FMN2: variants seen among roughly 807,000 people sequenced by gnomAD.
FMN2 encodes formin 2, also known as formin-2.
FMN2 carries 51 observed loss-of-function variants against 142.3 expected under a neutral mutation model. The ratio of observed to expected loss-of-function variants is 0.36; its 90% CI spans 0.29 to 0.45. The LOEUF is 0.45. FMN2 is among the 20% of genes least tolerant of loss of function. FMN2 has a pLI of 1.00. For synonymous variants in FMN2, 882 were observed against 869.8 expected, an observed-to-expected ratio of 1.01 and a Z score of -0.25; for missense variants, 1,936 against 2,122.8, an observed-to-expected ratio of 0.91 and a Z score of 1.73.
chr1:240,233,501 A>C (rs1572098077), intron 6 of FMN2, among the ~76,000 whole-genome samples: 1 of 152,344 alleles, frequency 6.6e-6, no homozygotes, highest in Non-Finnish European at 1.5e-5. Flanking sequence ...TTTTAAATTT[A>C]ATTCCACAGA....
At chr1:240,170,744 G>A in intron 2 of FMN2, 1 of 1,456,568 alleles carries the variant, frequency 6.9e-7, no homozygotes, top group Non-Finnish European at 9.6e-7. Context: ...GTGGGGCCTG[G>A]CTCTGTTTGG....
At chr1:240,354,433 G>T (rs1672198199) in intron 13 of FMN2, among the ~76,000 whole-genome samples, 1 of 152,204 alleles carries the variant, frequency 6.6e-6, no homozygotes, top group African/African-American at 2.4e-5. Context: ...CAGGTTTAGA[G>T]AAGTCTGTGA....
rs1195770597 is a variant in FMN2, at chr1:240,407,680, A to G, written c.4910+15118A>G. On this transcript the variant is annotated intron_variant, in intron 15 of 17. Coordinates refer to ENST00000319653, the MANE Select transcript of FMN2 (RefSeq NM_020066.5). ...AATAAATGCAGATTTGTTCCCCTAA[A>G]GAGTGTGCATTCTTCTACCTTTCAA... Among the ~76,000 whole-genome samples, 4 of 152,312 alleles carry G rather than the reference A, an allele frequency of 2.6e-5. No homozygotes were observed. The South Asian group carries it at 6.2e-4, about 24-fold the overall frequency.
chr1:240,393,058 C>T (rs927285492), intron 15 of FMN2, among the ~76,000 whole-genome samples: 5 of 152,106 alleles, frequency 3.3e-5, no homozygotes, highest in African/African-American at 1.2e-4. Context: ...TCTCTATATA[C>T]GTCAGGGTTC....
intron 1 of FMN2, among the ~76,000 whole-genome samples, chr1:240,122,348 C>T (rs1000619308): frequency 6.6e-6 from 1 of 152,022 alleles, no homozygotes; most frequent in Non-Finnish European, 1.5e-5. Flanking sequence ...ACTGCAACCT[C>T]CGCCACCCAG....
intron 15 of FMN2, among the ~76,000 whole-genome samples, chr1:240,429,311 G>A (rs1469704795): frequency 1.3e-5 from 2 of 151,976 alleles, no homozygotes; most frequent in Non-Finnish European, 2.9e-5. Flanking sequence ...TTCTCTCATT[G>A]GTCTGCAGAG....
chr1:240,408,373 A>G (rs937272127), intron 15 of FMN2, among the ~76,000 whole-genome samples: 9 of 152,238 alleles, frequency 5.9e-5, no homozygotes, highest in Non-Finnish European at 1.3e-4. Context: ...GTAGAATGAA[A>G]AAGGCAATAA....
intron 7 of FMN2, among the ~76,000 whole-genome samples, chr1:240,265,913 G>GTTTTT (rs1352056925): frequency 2.9e-5 from 3 of 102,308 alleles, no homozygotes; most frequent in African/African-American, 4.3e-5. Context: ...ACTTAAAGGG[G>GTTTTT]TTTGTTTTTT....
chr1:240,355,848 G>A lies in FMN2; in HGVS notation c.4798G>A (p.Val1600Ile), dbSNP rs1672247369. 1.2e-6 allele frequency: 2 copies of A among 1,606,970 alleles called. No individual in the cohort carries two copies. Among genetic ancestry groups the A allele is most frequent in the African/African-American group, 2.7e-5 (2 of 74,134 alleles). ...AGTTGAAGCAGGGAAAGTATACCAG[G>A]TCTCCTCAAAAGAGCATATGCAGCC... ...CEVEAGKVYQVSSKEHMQPFK... is the reference protein window; with the variant it reads ...CEVEAGKVYQISSKEHMQPFK... Residue 1600 changes from valine to isoleucine, a missense_variant, in exon 14 of 18, where the codon GTC becomes ATC. Physicochemically the swap from Val to Ile is conservative, Grantham distance 29 (BLOSUM62 3). Transcript: ENST00000319653.
At chr1:240,349,773 TTTAAA>T (rs1304750279) in intron 13 of FMN2, among the ~76,000 whole-genome samples, 63 of 152,388 alleles carry the variant, frequency 4.1e-4, no homozygotes, top group East Asian at 1.9e-4. Flanking sequence ...CAGAGAAGTC[TTTAAA>T]TTAAACAAAA....
chr1:240,376,176 C>A (rs910693461), intron 14 of FMN2, among the ~76,000 whole-genome samples: 1 of 151,908 alleles, frequency 6.6e-6, no homozygotes, highest in African/African-American at 2.4e-5. Flanking sequence ...ATAATATACC[C>A]TTTTATCTTT....
intron 15 of FMN2, among the ~76,000 whole-genome samples, chr1:240,426,720 A>G (rs1674946087): frequency 1.3e-5 from 2 of 152,092 alleles, no homozygotes; most frequent in South Asian, 2.1e-4. Context: ...ATGTTTCTCT[A>G]AAAGATACCC....
chr1:240,092,881 G>A lies in FMN2; in HGVS notation c.772G>A (p.Gly258Ser), dbSNP rs1261193565. The A allele has an allele frequency of 2.0e-6, 3 of 1,523,288 alleles. No individual in the cohort carries two copies. The highest frequency in any genetic ancestry group is 1.2e-5 in the South Asian group (1 of 81,528). The allele number at this position is 1,523,288 out of a possible 1,614,324, so 94.4% of individuals were successfully genotyped here. ...GGACCGGTTCCTGCTGGGGCCGAGC[G>A]GCGGGGCTGGGGAGGCCCCGGGCAG... is the stretch of plus-strand genomic sequence containing the variant. The part of the protein sequence containing the change: ...GLDRFLLGPS[G>S]GAGEAPGSPD... The change falls in exon 1 of 18, where the codon GGC becomes AGC. Residue 258 changes from glycine (G) to serine (S), a missense_variant. Coordinates refer to ENST00000319653, the MANE Select transcript of FMN2 (RefSeq NM_020066.5).
At chr1:240,471,801 G>C (rs1033108284) in intron 16 of FMN2, 7 of 153,170 alleles carry the variant, frequency 4.6e-5, no homozygotes, top group African/African-American at 1.7e-4. Flanking sequence ...GCACCACCAT[G>C]CCCGGCTAAG....
intron 16 of FMN2, among the ~76,000 whole-genome samples, chr1:240,453,558 T>A (rs1676129171): frequency 6.6e-6 from 1 of 152,148 alleles, no homozygotes; most frequent in Admixed American, 6.6e-5. Context: ...TTATTATAAA[T>A]GAGCCCAGTG....
intron 16 of FMN2, among the ~76,000 whole-genome samples, chr1:240,464,919 G>GTT (rs1676564761): frequency 6.6e-6 from 1 of 152,150 alleles, no homozygotes; most frequent in Admixed American, 6.5e-5. Flanking sequence ...CAAGCGCAGT[G>GTT]TTTTCTCTGA....
In FMN2 at chr1:240,205,501, A is replaced by T. The variant is rs374446802; in HGVS notation, c.1987-1298A>T. Among the ~76,000 whole-genome samples, 270 of 122,088 alleles carry T rather than the reference A, an allele frequency of 2.2e-3. 6 individuals are homozygous for T. In the South Asian group the frequency reaches 0.063, roughly 28 times the overall value. 80.1% of individuals were successfully genotyped at this position (122,088 alleles called of 152,430 possible). The stretch of plus-strand genomic sequence containing the variant: ...TTTTGAGACGGAGTCTCGCTCTGTC[A>T]CCCAGGCTGGAGTGCAGTGGCGCAA... On this transcript the variant is annotated intron_variant, in intron 4 of 17. Transcript: ENST00000319653.
chr1:240,132,525 G>C (rs1662781162), intron 2 of FMN2, among the ~76,000 whole-genome samples: 1 of 152,136 alleles, frequency 6.6e-6, no homozygotes, highest in African/African-American at 2.4e-5. Flanking sequence ...GTTGTGATTA[G>C]AATTGAGAAG....
At chr1:240,334,318 CTT>C in intron 13 of FMN2, 89 bp downstream of exon 13, 1 of 1,376,620 alleles carries the variant, frequency 7.3e-7, no homozygotes, top group Non-Finnish European at 9.6e-7. Context: ...GAAAAGTAAT[CTT>C]TTTTATCTTT....
Sources: gnomAD v4.1 joint callset for allele counts (sites outside exome capture counted in the v4.1 genomes callset) on GRCh38, gnomAD v4.1.1 for gene constraint, MANE v1.5 for transcripts, NCBI Gene and HGNC (gene_info 2026-07-23, HGNC 2026-07-21) for gene names.